TRIM22: variants seen among roughly 807,000 people sequenced by gnomAD.
The protein encoded by TRIM22 is tripartite motif containing 22, also known as E3 ubiquitin-protein ligase TRIM22.
TRIM22 carries 45 observed loss-of-function variants against 53.6 expected under a neutral mutation model. The observed-to-expected ratio is 0.84, with a 90% CI of 0.66 to 1.08. TRIM22 has a LOEUF of 1.08. TRIM22 is among the 50% of genes least tolerant of loss of function. The probability of loss-of-function intolerance (pLI) is 0.00; values close to 1 mark genes in which losing one functional copy is unlikely to be tolerated. For synonymous variants in TRIM22, 225 were observed against 216.6 expected, an observed-to-expected ratio of 1.04 and a Z score of -0.34; for missense variants, 616 against 590.9, an observed-to-expected ratio of 1.04 and a Z score of -0.44.
chr11:5,696,504 G>A lies in TRIM22; in HGVS notation c.272G>A (p.Gly91Glu), dbSNP rs759198540. The change falls in exon 2 of 8, where the codon GGG (glycine) becomes GAG (glutamate). Residue 91 changes from glycine to glutamate, a missense_variant. By Grantham distance (98) the Gly-to-Glu change is moderately conservative (BLOSUM62 -2). Transcript: ENST00000379965. ...VKEVKMSPQE[G>E]QKRDVCEHHG... ...GAGGTCAAGATGAGCCCACAGGAGG[G>A]GCAGAAGAGAGATGTCTGTGAGCAC... The A allele has an allele frequency of 6.8e-6, 11 of 1,614,242 alleles. No individual in the cohort carries two copies. Among genetic ancestry groups the A allele is most frequent in the South Asian group, 2.2e-5 (2 of 91,090 alleles).
In TRIM22 at chr11:5,710,238, C is replaced by T. The variant is rs1035472700; in HGVS notation, c.*590C>T. On this transcript the variant is annotated 3_prime_UTR_variant, in exon 8 of 8. Coordinates refer to ENST00000379965, the MANE Select transcript of TRIM22 (RefSeq NM_006074.5). ...ATGCTTGTACATTATTTTCCTAATACCTTGGTTTCACTAGTAGTAAACATT... is the reference window on the plus strand; with the variant it reads ...ATGCTTGTACATTATTTTCCTAATATCTTGGTTTCACTAGTAGTAAACATT... 1 of 152,156 alleles carries T rather than the reference C, an allele frequency of 6.6e-6. No individual in the cohort carries two copies. The highest frequency in any genetic ancestry group is 2.4e-5 in the African/African-American group (1 of 41,410). 9.4% of individuals were successfully genotyped at this position (152,156 alleles called of 1,614,324 possible).
At chr11:5,698,094 A>G (rs1853298887) in intron 3 of TRIM22, 4 of 503,718 alleles carry the variant, frequency 7.9e-6, no homozygotes, top group Non-Finnish European at 1.4e-5. Context: ...TTTGTCTCAG[A>G]TTAGGCCTCA....
At chr11:5,697,140 T>A (rs1853277625) in intron 2 of TRIM22, 108 bp from the exon 3 acceptor site, 2 of 765,458 alleles carry the variant, frequency 2.6e-6, no homozygotes, top group Non-Finnish European at 4.2e-6. Context: ...CCTCACTGTT[T>A]CTGTAAACTA....
Position 5,709,417 on chromosome 11 carries a change from G to C in TRIM22, c.1266G>C (p.Glu422Asp). 6.2e-7 allele frequency: 1 copy of C among 1,614,070 alleles called. No homozygotes were observed. The highest frequency in any genetic ancestry group is 8.5e-7 in the Non-Finnish European group (1 of 1,179,994). Residue 422 changes from glutamate to aspartate, a missense_variant, in exon 8 of 8, where the codon GAG (glutamate) becomes GAC (aspartate). Glu to Asp is a conservative substitution (Grantham distance 45, BLOSUM62 2). Coordinates refer to ENST00000379965, the MANE Select transcript of TRIM22 (RefSeq NM_006074.5). ...LQNTCEYNAF[E>D]DSSSSDPKVL... ...ATACATGTGAATATAATGCTTTTGA[G>C]GACTCCTCCTCTTCTGATCCCAAGG...
chr11:5,709,320 C>G lies in TRIM22; in HGVS notation c.1169C>G (p.Pro390Arg). ...AAGAGCTCTGGGTTTGCTTTTGATC[C>G]AAGTGTAAATTATTCAAAAGTTTAC... ...KRKSSGFAFD[P>R]SVNYSKVYSR... Residue 390 changes from proline to arginine, a missense_variant, in exon 8 of 8, where the codon CCA becomes CGA. Pro to Arg is a moderately radical substitution (Grantham distance 103). Coordinates refer to ENST00000379965, the MANE Select transcript of TRIM22 (RefSeq NM_006074.5). 1 of 1,613,976 alleles carries G rather than the reference C, an allele frequency of 6.2e-7. No individual in the cohort carries two copies.
At chr11:5,703,398 T>TTTTCTTTTG (rs1853404033) in intron 4 of TRIM22, among the ~76,000 whole-genome samples, 1 of 151,958 alleles carries the variant, frequency 6.6e-6, no homozygotes, top group Non-Finnish European at 1.5e-5. Context: ...TTTTCTTTTT[T>TTTTCTTTTG]TTTTTGAGAT....
intron 7 of TRIM22, 56 bp downstream of exon 7, chr11:5,708,659 G>C (rs1361023831): frequency 6.7e-7 from 1 of 1,496,692 alleles, no homozygotes; most frequent in African/African-American, 1.4e-5. Context: ...GTTACTATTA[G>C]ATCTCATAAT....
chr11:5,696,019 A>G (rs1040337863), intron 1 of TRIM22, 148 bp from the exon 2 acceptor site: 8 of 426,180 alleles, frequency 1.9e-5, no homozygotes, highest in Admixed American at 8.0e-5. Flanking sequence ...TACAAAGTCC[A>G]TTTTATTCTG....
intron 7 of TRIM22, among the ~76,000 whole-genome samples, 180 bp from the exon 8 acceptor site, chr11:5,708,873 C>A (rs941071567): frequency 6.6e-6 from 1 of 152,090 alleles, no homozygotes; most frequent in African/African-American, 2.4e-5. Flanking sequence ...TGTGCCACCA[C>A]GCTTGGCTAA....
chr11:5,709,155 A>G lies in TRIM22; in HGVS notation c.1004A>G (p.Asn335Ser). 6.2e-7 allele frequency: 1 copy of G among 1,614,112 alleles called. No individual in the cohort carries two copies. The highest frequency in any genetic ancestry group is 8.5e-7 in the Non-Finnish European group (1 of 1,180,008). The change falls in exon 8 of 8, where the codon AAT (asparagine) becomes AGT (serine). Residue 335 changes from asparagine to serine, a missense_variant. By Grantham distance (46) the Asn-to-Ser change is conservative (BLOSUM62 1). Transcript: ENST00000379965. ...CGCACCTGCACATTTAAGAATTCAA[A>G]TCCATGTGATTTTTCTGCTTTTGGT... Reference protein sequence around the residue: ...TVRTCTFKNSNPCDFSAFGVF... With the variant: ...TVRTCTFKNSSPCDFSAFGVF...
intron 1 of TRIM22, among the ~76,000 whole-genome samples, chr11:5,693,721 CAAAAAA>C (rs60530986): frequency 1.1e-5 from 1 of 87,440 alleles, no homozygotes; most frequent in African/African-American, 4.7e-5. Flanking sequence ...GACTCCGTCT[CAAAAAA>C]AAAAAAAAAA....
Position 5,696,168 on chromosome 11 carries a change from A to T in TRIM22, c.-65A>T. 1 of 1,459,284 alleles carries T rather than the reference A, an allele frequency of 6.9e-7. No homozygotes were observed. The highest frequency in any genetic ancestry group is 1.3e-5 in the South Asian group (1 of 74,962). The allele number at this position is 1,459,284 out of a possible 1,614,324, so 90.4% of individuals were successfully genotyped here. On this transcript the variant is annotated splice_region_variant and 5_prime_UTR_variant, in exon 2 of 8. Transcript: ENST00000379965. ...CCCTGTCCCCTTCAACATTCTCAGCACTGCAGGAGTTTGTGACCAAGAACT... is the reference window on the plus strand; with the variant it reads ...CCCTGTCCCCTTCAACATTCTCAGCTCTGCAGGAGTTTGTGACCAAGAACT...
At chr11:5,705,708 A>G (rs1313314322) in intron 4 of TRIM22, among the ~76,000 whole-genome samples, 1 of 152,202 alleles carries the variant, frequency 6.6e-6, no homozygotes, top group African/African-American at 2.4e-5. Context: ...TTAAAAATGT[A>G]AACTAGTCTA....
rs368072028 is a variant in TRIM22, at chr11:5,708,570, G to C, written c.875-7G>C. On this transcript the variant is annotated splice_region_variant and splice_polypyrimidine_tract_variant and intron_variant, in intron 6 of 7. Coordinates refer to ENST00000379965, the MANE Select transcript of TRIM22 (RefSeq NM_006074.5). ...TAACAACATCACTGAAACTTTTGTC[G>C]TTTCAGAGCTGACAGATGTCCAGTA... 6.2e-6 allele frequency: 10 copies of C among 1,602,132 alleles called. No individual in the cohort carries two copies. Among genetic ancestry groups the C allele is most frequent in the Admixed American group, 1.8e-5 (1 of 56,308 alleles).
In TRIM22 at chr11:5,698,501, G is replaced by A. The variant is rs1381835486; in HGVS notation, c.706G>A (p.Asp236Asn). 1 of 1,613,884 alleles carries A rather than the reference G, an allele frequency of 6.2e-7. No individual in the cohort carries two copies. Among genetic ancestry groups the A allele is most frequent in the African/African-American group, 1.3e-5 (1 of 74,932 alleles). ...GCAGGATGCCAGCACGCTCATCTCA[G>A]ATCTCCAGCGGAGGTTGAGGGGATC... Reference protein sequence around the residue: ...QRQDASTLISDLQRRLRGSSV... With the variant: ...QRQDASTLISNLQRRLRGSSV... The change falls in exon 4 of 8, where the codon GAT (aspartate) becomes AAT (asparagine). Residue 236 changes from aspartate (D) to asparagine (N), a missense_variant. Coordinates refer to ENST00000379965, the MANE Select transcript of TRIM22 (RefSeq NM_006074.5).
At chr11:5,699,965 T>C (rs1180011590) in intron 4 of TRIM22, among the ~76,000 whole-genome samples, 3 of 152,070 alleles carry the variant, frequency 2.0e-5, no homozygotes, top group African/African-American at 7.2e-5. Context: ...GACTTTAGTA[T>C]TTTAATCTTG....
chr11:5,707,489 G>GT (rs1423198800), intron 5 of TRIM22, among the ~76,000 whole-genome samples: 3 of 152,110 alleles, frequency 2.0e-5, no homozygotes, highest in Non-Finnish European at 4.4e-5. Context: ...TATTAAATAA[G>GT]TTTTTTAGAG....
intron 2 of TRIM22, 128 bp downstream of exon 2, chr11:5,696,783 C>T (rs1313986237): frequency 3.0e-6 from 3 of 1,006,982 alleles, no homozygotes; most frequent in Non-Finnish European, 4.3e-6. Flanking sequence ...GATCTCTTTC[C>T]ATACTCTTTG....
In TRIM22 at chr11:5,698,296, T is replaced by C. The variant is rs376992742; in HGVS notation, c.520-19T>C. ...TCAACCAGCCAGACTGACTGCCTCT[T>C]TCTCTTTTCATTCCCAAGAATTATA... On this transcript the variant is annotated intron_variant, in intron 3 of 7. Coordinates refer to ENST00000379965, the MANE Select transcript of TRIM22 (RefSeq NM_006074.5). The C allele has an allele frequency of 1.6e-4, 265 of 1,609,274 alleles. No individual in the cohort carries two copies. In the African/African-American group the frequency reaches 3.2e-3, roughly 19 times the overall value.
Sources: allele counts gnomAD v4.1 joint callset (sites outside exome capture counted in the v4.1 genomes callset), GRCh38; gene constraint gnomAD v4.1.1; transcripts MANE v1.5; gene names NCBI Gene and HGNC (gene_info 2026-07-23, HGNC 2026-07-21).